Variants in PTPRN2 observed in about 807,000 individuals in gnomAD.
PTPRN2 encodes receptor-type tyrosine-protein phosphatase N2.
In PTPRN2, 74 loss-of-function variants were observed where a neutral mutation model predicts 118.8. That is an observed-to-expected ratio of 0.62 (90% confidence interval 0.52 to 0.76). PTPRN2 has a LOEUF of 0.76. Ranked by LOEUF, PTPRN2 falls within the 30% of genes least tolerant of loss-of-function variation. PTPRN2 has a pLI of 0.00. For missense variants in PTPRN2, 1,481 were observed against 1,394.4 expected (o/e 1.06, Z -0.99); for synonymous variants, 641 against 608.0 (o/e 1.05, Z -0.80).
intron 6 of PTPRN2, among the ~76,000 whole-genome samples, chr7:158,146,734 A>C (rs1484722505): frequency 6.6e-6 from 1 of 151,458 alleles, no homozygotes; most frequent in Admixed American, 6.6e-5. Context: ...AAAAAAAAAA[A>C]AGAAAGAAAA....
intron 6 of PTPRN2, among the ~76,000 whole-genome samples, chr7:158,148,502 T>A (rs1164862831): frequency 8.8e-5 from 12 of 135,698 alleles, no homozygotes; most frequent in Non-Finnish European, 9.7e-5. Context: ...CCACGTGTCT[T>A]TCCCCCTCAC....
At chr7:158,540,588 C>T (rs559178152) in intron 1 of PTPRN2, among the ~76,000 whole-genome samples, 5 of 152,286 alleles carry the variant, frequency 3.3e-5, no homozygotes, top group East Asian at 3.9e-4. Flanking sequence ...CCCCAACACG[C>T]GTACCCTCCA....
At chr7:158,262,474 A>G (rs1374923345) in intron 3 of PTPRN2, among the ~76,000 whole-genome samples, 1 of 147,322 alleles carries the variant, frequency 6.8e-6, no homozygotes, top group Non-Finnish European at 1.5e-5. Flanking sequence ...CACTGCAAAC[A>G]TTCACGCTGC....
intron 11 of PTPRN2, among the ~76,000 whole-genome samples, chr7:157,988,517 G>A (rs978249117): frequency 2.6e-5 from 4 of 152,158 alleles, no homozygotes; most frequent in South Asian, 2.1e-4. Flanking sequence ...ACGCATTCCC[G>A]GGCAGGTGTG....
intron 12 of PTPRN2, among the ~76,000 whole-genome samples, chr7:157,830,559 G>A (rs757565650): frequency 8.6e-5 from 13 of 151,646 alleles, no homozygotes; most frequent in Non-Finnish European, 1.0e-4. Flanking sequence ...ATCGCCACGC[G>A]GGGAGGGGCT....
intron 2 of PTPRN2, among the ~76,000 whole-genome samples, chr7:158,471,984 G>T (rs1819893249): frequency 6.6e-6 from 1 of 151,580 alleles, no homozygotes; most frequent in Non-Finnish European, 1.5e-5. Context: ...CCCCGCCACG[G>T]TTCCGGCCCC....
chr7:157,703,422 C>A (rs1231084724), intron 12 of PTPRN2, among the ~76,000 whole-genome samples: 1 of 152,226 alleles, frequency 6.6e-6, no homozygotes. Context: ...ACCCTCAGCA[C>A]AGCCTATAGG....
intron 1 of PTPRN2, among the ~76,000 whole-genome samples, chr7:158,518,429 T>C (rs1563383246): frequency 6.6e-6 from 1 of 152,146 alleles, no homozygotes; most frequent in Non-Finnish European, 1.5e-5. Context: ...GCAAAGGCCA[T>C]ACTCAGTAGC....
At chr7:158,161,139 C>T (rs1585688655) in intron 6 of PTPRN2, among the ~76,000 whole-genome samples, 1 of 152,294 alleles carries the variant, frequency 6.6e-6, no homozygotes, top group East Asian at 1.9e-4. Flanking sequence ...GTCAGCATGT[C>T]AGTTCTCCAA....
intron 3 of PTPRN2, among the ~76,000 whole-genome samples, chr7:158,270,913 C>A (rs1164173058): frequency 5.4e-5 from 4 of 73,974 alleles, no homozygotes; most frequent in Admixed American, 1.2e-4. Context: ...CCACCCCCCC[C>A]ACCTGGACCA....
At chr7:157,644,265 G>T (rs1585158731) in intron 14 of PTPRN2, among the ~76,000 whole-genome samples, 1 of 152,238 alleles carries the variant, frequency 6.6e-6, no homozygotes, top group Non-Finnish European at 1.5e-5. Context: ...GGAGGACACA[G>T]GAAAAAGATG....
intron 10 of PTPRN2, among the ~76,000 whole-genome samples, chr7:158,085,155 G>C (rs1468809163): frequency 1.2e-5 from 1 of 83,864 alleles, no homozygotes; most frequent in Admixed American, 1.5e-4. Context: ...CCACACCCTC[G>C]ACGCCCATCC....
At chr7:157,866,333 C>A (rs1378806719) in intron 12 of PTPRN2, among the ~76,000 whole-genome samples, 3 of 152,128 alleles carry the variant, frequency 2.0e-5, no homozygotes, top group Non-Finnish European at 4.4e-5. Context: ...CACACACATG[C>A]ATATGCAGAG....
intron 12 of PTPRN2, among the ~76,000 whole-genome samples, chr7:157,776,200 CTCTCCTCCTCCA>C (rs1293107394): frequency 7.6e-6 from 1 of 130,850 alleles, no homozygotes; most frequent in Non-Finnish European, 1.6e-5. Flanking sequence ...CACTTCCTCC[CTCTCCTCCTCCA>C]TCTCCTCCTC....
chr7:157,739,224 T>G (rs1800481080), intron 12 of PTPRN2: 1 of 152,256 alleles, frequency 6.6e-6, no homozygotes, highest in Non-Finnish European at 1.5e-5. Flanking sequence ...GCTCTCAGTC[T>G]CGTCTGAAAC....
chr7:158,384,157 T>C (rs1432130861), intron 2 of PTPRN2, among the ~76,000 whole-genome samples: 1 of 152,238 alleles, frequency 6.6e-6, no homozygotes, highest in East Asian at 1.9e-4. Flanking sequence ...CTCAAGGTAC[T>C]TGGCACACAT....
At chr7:158,333,743 C>A (rs1804980777) in intron 2 of PTPRN2, among the ~76,000 whole-genome samples, 1 of 150,028 alleles carries the variant, frequency 6.7e-6, no homozygotes, top group Non-Finnish European at 1.5e-5. Flanking sequence ...CACACATACT[C>A]TCACCATAAG....
intron 11 of PTPRN2, among the ~76,000 whole-genome samples, chr7:157,980,585 T>C (rs1237649265): frequency 6.6e-6 from 1 of 152,054 alleles, no homozygotes; most frequent in Admixed American, 6.6e-5. Context: ...ACCCCGTCTC[T>C]ACTAAAACTA....
At chr7:158,154,545 C>A (rs1480858629) in intron 6 of PTPRN2, among the ~76,000 whole-genome samples, 1 of 152,098 alleles carries the variant, frequency 6.6e-6, no homozygotes, top group Non-Finnish European at 1.5e-5. Context: ...GATGGGAGAG[C>A]AGAAATACAA....
Sources: gnomAD v4.1 joint callset for allele counts (sites outside exome capture counted in the v4.1 genomes callset) on GRCh38, gnomAD v4.1.1 for gene constraint, MANE v1.5 for transcripts, NCBI Gene and HGNC (gene_info 2026-07-23, HGNC 2026-07-21) for gene names.